KAZN: variants seen among roughly 807,000 people sequenced by gnomAD.
KAZN encodes kazrin, periplakin interacting protein, also known as kazrin.
A neutral mutation model predicts 87.4 loss-of-function variants in KAZN; 40 were observed. That is an observed-to-expected ratio of 0.46 (90% confidence interval 0.36 to 0.60). The LOEUF is 0.60. Ranked by LOEUF, KAZN falls within the 20% of genes least tolerant of loss-of-function variation. The pLI is 0.00. For missense variants in KAZN, 898 were observed against 1,073.9 expected (o/e 0.84, Z 2.29); for synonymous variants, 466 against 458.3 (o/e 1.02, Z -0.22).
chr1:14,345,896 G>C (rs1026102436), intron 2 of KAZN, among the ~76,000 whole-genome samples: 2 of 152,150 alleles, frequency 1.3e-5, no homozygotes, highest in Non-Finnish European at 2.9e-5. Flanking sequence ...TGAGTGAAAA[G>C]AGCAAAAAGA....
At chr1:14,390,021 A>T (rs968777043) in intron 2 of KAZN, among the ~76,000 whole-genome samples, 112 of 152,366 alleles carry the variant, frequency 7.4e-4, no homozygotes, top group African/African-American at 2.7e-3. Context: ...AATTAAAAAA[A>T]GTAAGTGGAT....
chr1:14,997,708 G>C (rs1456356335), intron 2 of KAZN, among the ~76,000 whole-genome samples: 1 of 152,156 alleles, frequency 6.6e-6, no homozygotes, highest in Non-Finnish European at 1.5e-5. Context: ...CCTGAGGGTG[G>C]AGGAGCAGGG....
chr1:15,002,005 C>G (rs986839210), intron 2 of KAZN, among the ~76,000 whole-genome samples: 1 of 151,114 alleles, frequency 6.6e-6, no homozygotes, highest in Non-Finnish European at 1.5e-5. Context: ...CTCAGCCTCC[C>G]GAGTAGCTGG....
At chr1:14,094,866 G>C (rs1644091699) in intron 1 of KAZN, among the ~76,000 whole-genome samples, 1 of 152,166 alleles carries the variant, frequency 6.6e-6, no homozygotes, top group African/African-American at 2.4e-5. Flanking sequence ...TAGGTGGAAT[G>C]CAGCTCTGTT....
rs114406189 is a variant in KAZN, at chr1:14,707,675, C to T, written c.226+108452C>T. On this transcript the variant is annotated intron_variant, in intron 1 of 14. Transcript: ENST00000376030. ...GTTGCTTGAAGATTTTGCTCCAAGACCCACTGCTCTGCATATTTGTTTGTT... is the reference window on the plus strand; with the variant it reads ...GTTGCTTGAAGATTTTGCTCCAAGATCCACTGCTCTGCATATTTGTTTGTT... Among the ~76,000 whole-genome samples, 961 of 152,278 alleles carry T rather than the reference C, an allele frequency of 6.3e-3. 8 individuals carry two copies. The highest frequency in any genetic ancestry group is 0.022 in the African/African-American group (897 of 41,536).
intron 2 of KAZN, among the ~76,000 whole-genome samples, chr1:14,411,733 G>GA (rs1437433743): frequency 1.3e-5 from 2 of 152,020 alleles, no homozygotes; most frequent in African/African-American, 2.4e-5. Flanking sequence ...GTAATGAAAT[G>GA]AAAAAAACAT....
intron 2 of KAZN, among the ~76,000 whole-genome samples, chr1:14,964,464 C>G (rs2101798719): frequency 6.6e-6 from 1 of 152,242 alleles, no homozygotes; most frequent in East Asian, 1.9e-4. Flanking sequence ...AGCGGCATTC[C>G]TGAAAGGCAG....
intron 2 of KAZN, among the ~76,000 whole-genome samples, chr1:14,992,615 G>C (rs1325166767): frequency 6.6e-6 from 1 of 152,152 alleles, no homozygotes; most frequent in Non-Finnish European, 1.5e-5. Flanking sequence ...AGAATGCCCA[G>C]GTACCTATCT....
rs560245964 is a variant in KAZN, at chr1:14,496,402, G to A, written c.250-102581G>A. On this transcript the variant is annotated intron_variant, in intron 2 of 16. Coordinates refer to the KAZN transcript ENST00000636203. ...TGTTGTTGGGGGTGCTTGTGCATGC[G>A]AATATAAAAATTGATATTCATAGAC... Among the ~76,000 whole-genome samples the A allele has an allele frequency of 2.6e-4, 39 of 152,212 alleles. 1 individual carries two copies. The South Asian group carries it at 6.0e-3, about 23-fold the overall frequency.
In KAZN at chr1:14,706,938, G is replaced by A. The variant is rs139250843; in HGVS notation, c.226+107715G>A. Reference sequence around the variant, plus strand: ...GTGTGTAATTTGGGCTGAATCGTCTGTAGAGTCATCATATCCGTATTTAGA... The same window carrying A: ...GTGTGTAATTTGGGCTGAATCGTCTATAGAGTCATCATATCCGTATTTAGA... On this transcript the variant is annotated intron_variant, in intron 1 of 14. Transcript: ENST00000376030. Among the ~76,000 whole-genome samples, 538 of 152,300 alleles carry A rather than the reference G, an allele frequency of 3.5e-3. 12 individuals carry two copies. In the East Asian group the frequency reaches 0.054, roughly 15 times the overall value.
chr1:13,964,389 T>C (rs12119295), intron 1 of KAZN, among the ~76,000 whole-genome samples: 35,524 of 152,126 alleles, frequency 0.23, 4,463 homozygotes, highest in East Asian at 0.38. Context: ...GCGTAACAAA[T>C]AGTCACACAA....
At chr1:14,259,848 G>T (rs1269740566) in intron 2 of KAZN, among the ~76,000 whole-genome samples, 1 of 152,192 alleles carries the variant, frequency 6.6e-6, no homozygotes, top group East Asian at 1.9e-4. Flanking sequence ...GTGACCTTGT[G>T]CCTTTTGACT....
chr1:14,456,808 G>A (rs1667590508), intron 2 of KAZN, among the ~76,000 whole-genome samples: 1 of 152,122 alleles, frequency 6.6e-6, no homozygotes, highest in South Asian at 2.1e-4. Context: ...AGCCGGGTGT[G>A]GTGGCTCACA....
At chr1:14,874,448 G>A (rs1432948174) in intron 1 of KAZN, among the ~76,000 whole-genome samples, 2 of 151,546 alleles carry the variant, frequency 1.3e-5, no homozygotes, top group Non-Finnish European at 2.9e-5. Flanking sequence ...ATGGTGGCAT[G>A]AATCGCTAGC....
chr1:14,778,829 G>T (rs1389205872), intron 1 of KAZN, among the ~76,000 whole-genome samples: 1 of 152,142 alleles, frequency 6.6e-6, no homozygotes, highest in Non-Finnish European at 1.5e-5. Context: ...GTAAAGCTGG[G>T]CTGGGTTTTT....
intron 2 of KAZN, among the ~76,000 whole-genome samples, chr1:14,352,956 G>A (rs866275463): frequency 6.6e-6 from 1 of 152,252 alleles, no homozygotes; most frequent in African/African-American, 2.4e-5. Flanking sequence ...AAAGGCATTT[G>A]CCGAAAATTT....
At chr1:13,929,013 C>T (rs1302403173) in intron 1 of KAZN, among the ~76,000 whole-genome samples, 1 of 147,844 alleles carries the variant, frequency 6.8e-6, no homozygotes, top group Non-Finnish European at 1.5e-5. Flanking sequence ...AGAGCTGGGC[C>T]AGCTGAGGGC....
At chr1:14,714,797 G>GTTTTTTTTTTTT (rs537512664) in intron 1 of KAZN, among the ~76,000 whole-genome samples, 2 of 120,550 alleles carry the variant, frequency 1.7e-5, no homozygotes, top group Non-Finnish European at 3.3e-5. Flanking sequence ...TTTTTTTTTT[G>GTTTTTTTTTTTT]TTTTTTTTTT....
chr1:14,044,109 ATC>A (rs70987715), intron 1 of KAZN, among the ~76,000 whole-genome samples: 1 of 150,030 alleles, frequency 6.7e-6, no homozygotes. Context: ...TCTCCATGTG[ATC>A]TCTCTCTCTC....
Sources: allele counts gnomAD v4.1 joint callset (sites outside exome capture counted in the v4.1 genomes callset), GRCh38; gene constraint gnomAD v4.1.1; transcripts MANE v1.5; gene names NCBI Gene and HGNC (gene_info 2026-07-23, HGNC 2026-07-21).